TTN: variants seen among roughly 807,000 people sequenced by gnomAD.
TTN encodes connectin.
In TTN, 1,525 loss-of-function variants were observed where a neutral mutation model predicts 3,223.0. That is an observed-to-expected ratio of 0.47 (90% CI 0.45 to 0.49). The LOEUF is 0.49. Ranked by LOEUF, TTN falls within the 20% of genes least tolerant of loss-of-function variation. The probability of loss-of-function intolerance (pLI) is 0.00; values close to 1 mark genes in which losing one functional copy is unlikely to be tolerated. For synonymous variants in TTN, 14,094 were observed against 15,161.0 expected, an observed-to-expected ratio of 0.93 and a Z score of 5.17; for missense variants, 40,786 against 43,424.0, an observed-to-expected ratio of 0.94 and a Z score of 5.40.
chr2:178,627,102 C>T (rs886150882), intron 240 of TTN, among the ~76,000 whole-genome samples: 5 of 151,922 alleles, frequency 3.3e-5, no homozygotes, highest in Non-Finnish European at 5.9e-5. Context: ...TAATATAATA[C>T]GGTAGGCTTA....
chr2:178,633,253 A>G lies in TTN; in HGVS notation c.43020T>C (p.Ile14340=). ...VFVGETAHFE[I]ELSEPDVHGQ... ...CGTGAACATCAGGTTCAGAAAGTTC[A>G]ATTTCAAAGTGGGCTGTTTCACCAA... is the stretch of plus-strand genomic sequence containing the variant. Residue 14340 remains isoleucine, a synonymous_variant, in exon 233 of 363, where the codon ATT becomes ATC. Coordinates refer to ENST00000589042, the MANE Select transcript of TTN (RefSeq NM_001267550.2). 1 of 1,613,316 alleles carries G rather than the reference A, an allele frequency of 6.2e-7. No individual in the cohort carries two copies. Among genetic ancestry groups the G allele is most frequent in the East Asian group, 2.2e-5 (1 of 44,764 alleles).
chr2:178,803,434 C>T (rs989491579), intron 2 of TTN, among the ~76,000 whole-genome samples: 5 of 151,098 alleles, frequency 3.3e-5, no homozygotes, highest in Non-Finnish European at 7.4e-5. Flanking sequence ...ATTTGGAAGT[C>T]GGTAAGACTT....
rs768895653 is a variant in TTN, at chr2:178,567,889, T to A, written c.78243A>T (p.Glu26081Asp). The A allele has an allele frequency of 1.3e-5, 21 of 1,613,462 alleles. No homozygotes were observed. The highest frequency in any genetic ancestry group is 1.6e-5 in the Non-Finnish European group (19 of 1,179,610). The stretch of plus-strand genomic sequence containing the variant: ...CACAGGGATCTCTGGCTACATAGCA[T>A]TCAGAATTCTTGCTTGCTTTGCCTA... ...VGVGKASKNSECYVARDPCDP... is the reference protein window; with the variant it reads ...VGVGKASKNSDCYVARDPCDP... Residue 26081 changes from glutamate (E) to aspartate (D), a missense_variant, in exon 326 of 363, where the codon GAA becomes GAT. Transcript: ENST00000589042.
chr2:178,695,267 G>T, intron 115 of TTN, 81 bp downstream of exon 115: 1 of 1,101,882 alleles, frequency 9.1e-7, no homozygotes, highest in Non-Finnish European at 1.3e-6. Context: ...GGATTGAACT[G>T]CTGATTTATA....
At chr2:178,689,173 G>C (rs757763435) in intron 124 of TTN, 37 bp from the exon 125 acceptor site, 1 of 1,591,780 alleles carries the variant, frequency 6.3e-7, no homozygotes, top group South Asian at 1.2e-5. Context: ...AATTTAATGT[G>C]ATCTCATTGA....
chr2:178,596,119 T>C (rs1434129813), intron 294 of TTN, among the ~76,000 whole-genome samples: 1 of 151,618 alleles, frequency 6.6e-6, no homozygotes, highest in Non-Finnish European at 1.5e-5. Context: ...GCCTCCCAAG[T>C]AGCTGGGACT....
rs376382707 is a variant in TTN, at chr2:178,572,218, C to T, written c.73914G>A (p.Glu24638=). The T allele has an allele frequency of 1.9e-5, 31 of 1,613,328 alleles. No homozygotes were observed. In the Middle Eastern group the frequency reaches 4.9e-4, roughly 26 times the overall value. ...VTRNSVSLSW[E]KPEHDGGSRI... ...GGCTGCCTCCATCATGCTCTGGTTT[C>T]TCCCAAGAGAGTGACACACTATTTC... Residue 24638 remains glutamate, a synonymous_variant, in exon 326 of 363, where the codon GAG becomes GAA. Coordinates refer to ENST00000589042, the MANE Select transcript of TTN (RefSeq NM_001267550.2).
In TTN at chr2:178,561,355, A is replaced by G; in HGVS notation, c.84777T>C (p.Pro28259=). 4 of 1,613,796 alleles carry G rather than the reference A, an allele frequency of 2.5e-6. No homozygotes were observed. The highest frequency in any genetic ancestry group is 3.4e-6 in the Non-Finnish European group (4 of 1,179,788). The change falls in exon 326 of 363, where the codon CCT becomes CCC. Residue 28259 remains proline (P), a synonymous_variant. Transcript: ENST00000589042. ...ARDPCDPPGQ[P]EVTNITRKSV... is the part of the protein sequence containing the mutation. ...ATTTTCTTGTGATATTTGTGACTTCAGGTTGTCCAGGAGGGTCACAAGGAT... is the reference window on the plus strand; with the variant it reads ...ATTTTCTTGTGATATTTGTGACTTCGGGTTGTCCAGGAGGGTCACAAGGAT...
At chr2:178,538,359 G>A in intron 354 of TTN, 181 bp downstream of exon 354, 1 of 574,360 alleles carries the variant, frequency 1.7e-6, no homozygotes, top group East Asian at 2.9e-5. Flanking sequence ...CATCTGCTGA[G>A]GTTGTGTGCT....
chr2:178,733,692 T>C lies in TTN; in HGVS notation c.15697A>G (p.Ser5233Gly). Residue 5233 changes from serine (S) to glycine (G), a missense_variant, in exon 53 of 363, where the codon AGT becomes GGT. Physicochemically the swap from Ser to Gly is moderately conservative, Grantham distance 56 (BLOSUM62 0). Transcript: ENST00000589042. ...AVLIIPDVQISFGGKYTCLAE... is the reference protein window; with the variant it reads ...AVLIIPDVQIGFGGKYTCLAE... Reference sequence around the variant, plus strand: ...AGGCACGTGTATTTGCCTCCAAAACTAATCTGAACATCAGGGATTATCAAG... The same window carrying C: ...AGGCACGTGTATTTGCCTCCAAAACCAATCTGAACATCAGGGATTATCAAG... The C allele has an allele frequency of 6.2e-7, 1 of 1,613,916 alleles. No individual in the cohort carries two copies. The highest frequency in any genetic ancestry group is 8.5e-7 in the Non-Finnish European group (1 of 1,179,814).
At position 178,663,831 on chromosome 2, in the gene TTN, G is replaced by T. The variant is rs757292302; in HGVS notation, c.36436C>A (p.Pro12146Thr). The T allele has an allele frequency of 3.4e-5, 55 of 1,613,326 alleles. No individual in the cohort carries two copies. The highest frequency in any genetic ancestry group is 4.3e-5 in the Non-Finnish European group (51 of 1,179,822). The change falls in exon 170 of 363, where the codon CCA (proline) becomes ACA (threonine). Residue 12146 changes from proline to threonine, a missense_variant. Coordinates refer to ENST00000589042, the MANE Select transcript of TTN (RefSeq NM_001267550.2). Reference sequence around the variant, plus strand: ...CAGTGGCAACTACCTTTAACAGGTGGGACTTCAGGCTCTTTAGGAGGAGCC... The same window carrying T: ...CAGTGGCAACTACCTTTAACAGGTGTGACTTCAGGCTCTTTAGGAGGAGCC... ...PLAPPKEPEV[P>T]PVKVPEPPKE...
chr2:178,682,817 A>G lies in TTN; in HGVS notation c.32974T>C (p.Tyr10992His), dbSNP rs769393540. Reference protein sequence around the residue: ...SVQREEEYEEYEEYDYKEFEE... With the variant: ...SVQREEEYEEHEEYDYKEFEE... ...AATTCTTTATAATCATATTCTTCAT[A>G]TTCCTCATATTCTTCTTCCCGTTGT... The change falls in exon 135 of 363, where the codon TAT becomes CAT. Residue 10992 changes from tyrosine (Y) to histidine (H), a missense_variant. Transcript: ENST00000589042. The G allele has an allele frequency of 1.2e-5, 19 of 1,612,158 alleles. No homozygotes were observed. The highest frequency in any genetic ancestry group is 1.6e-5 in the Non-Finnish European group (19 of 1,179,068).
chr2:178,597,012 T>C (rs193182509), intron 294 of TTN, among the ~76,000 whole-genome samples: 20 of 152,224 alleles, frequency 1.3e-4, no homozygotes, highest in African/African-American at 4.1e-4. Context: ...AATTTAGCGA[T>C]AGGGGTAGAG....
At position 178,731,421 on chromosome 2, in the gene TTN, T is replaced by C. The variant is rs1423767140; in HGVS notation, c.17345A>G (p.Asn5782Ser). 6.2e-7 allele frequency: 1 copy of C among 1,613,820 alleles called. No individual in the cohort carries two copies. The highest frequency in any genetic ancestry group is 8.5e-7 in the Non-Finnish European group (1 of 1,179,784). Reference protein sequence around the residue: ...EDDNIRMTFENNVASLYLSGI... With the variant: ...EDDNIRMTFESNVASLYLSGI... ...ACTGAGGTACAAACTGGCCACATTGTTCTCAAAGGTCATTCTTATATTATC... is the reference window on the plus strand; with the variant it reads ...ACTGAGGTACAAACTGGCCACATTGCTCTCAAAGGTCATTCTTATATTATC... Residue 5782 changes from asparagine (N) to serine (S), a missense_variant, in exon 59 of 363, where the codon AAC becomes AGC. Asn to Ser is a conservative substitution (Grantham distance 46). Transcript: ENST00000589042.
At chr2:178,542,216 A>C in intron 349 of TTN, 48 bp downstream of exon 349, 6 of 1,533,434 alleles carry the variant, frequency 3.9e-6, no homozygotes, top group Non-Finnish European at 5.3e-6. Flanking sequence ...TTTTGTTAAC[A>C]TTCAGAATCA....
At chr2:178,556,397 C>CTACA (rs950738317) in intron 330 of TTN, 24 of 195,758 alleles carry the variant, frequency 1.2e-4, no homozygotes, top group African/African-American at 5.5e-4. Context: ...TGCCACTGCA[C>CTACA]TACAGCCTGG....
rs533613460 is a variant in TTN, at chr2:178,583,952, G to A, written c.65276-46C>T. ...CTCACCATTTATCTTACCAGCAGAA[G>A]TTTAAACTTCCATATTTCACATTAT... On this transcript the variant is annotated intron_variant, in intron 311 of 362. Coordinates refer to ENST00000589042, the MANE Select transcript of TTN (RefSeq NM_001267550.2). The A allele has an allele frequency of 1.5e-5, 22 of 1,450,950 alleles. No homozygotes were observed. In the East Asian group the frequency reaches 4.7e-4, roughly 31 times the overall value. The allele number at this position is 1,450,950 out of a possible 1,614,324, so 89.9% of individuals were successfully genotyped here. A position where few individuals can be genotyped will look rare whatever the true frequency, so the allele number is the denominator to read the frequency against.
At chr2:178,558,935 TA>T (rs1410775665) in intron 326 of TTN, 1 of 412,854 alleles carries the variant, frequency 2.4e-6, no homozygotes, top group African/African-American at 2.1e-5. Flanking sequence ...AACAATCTTT[TA>T]AAAAACTTTA....
rs765745216 is a variant in TTN, at chr2:178,599,139, T to C, written c.56647+7A>G. On this transcript the variant is annotated splice_region_variant and intron_variant, in intron 290 of 362. Coordinates refer to ENST00000589042, the MANE Select transcript of TTN (RefSeq NM_001267550.2). ...GGCTTTGTATGTGAAAATGTTCTCC[T>C]ACTTACAGAAGAGGTTTCTTGCTGT... 3.3e-6 allele frequency: 5 copies of C among 1,510,408 alleles called. No individual in the cohort carries two copies. In the South Asian group the frequency reaches 7.1e-5, roughly 21 times the overall value. 93.6% of individuals were successfully genotyped at this position (1,510,408 alleles called of 1,614,324 possible).
Sources: allele counts gnomAD v4.1 joint callset (sites outside exome capture counted in the v4.1 genomes callset), GRCh38; gene constraint gnomAD v4.1.1; transcripts MANE v1.5; gene names NCBI Gene and HGNC (gene_info 2026-07-23, HGNC 2026-07-21).